The following WDR72 variants were observed in gnomAD, a reference collection of about 807,000 sequenced individuals.
WDR72 encodes the protein WD repeat-containing protein 72.
Under a neutral mutation model 124.2 loss-of-function variants are expected in WDR72, and 120 were observed. The observed-to-expected ratio is 0.97, with a 90% confidence interval of 0.83 to 1.12. WDR72 has a LOEUF of 1.12. Ranked by LOEUF, WDR72 falls within the 50% of genes most tolerant of loss-of-function variation. The probability of loss-of-function intolerance (pLI) is 0.00; values close to 1 mark genes in which losing one functional copy is unlikely to be tolerated. For missense variants in WDR72, 1,387 were observed against 1,278.8 expected (o/e 1.08, Z -1.29); for synonymous variants, 452 against 441.7 (o/e 1.02, Z -0.29).
intron 2 of WDR72, 112 bp from the exon 3 acceptor site, chr15:53,723,020 T>C (rs2017922719): frequency 1.2e-5 from 13 of 1,040,006 alleles, no homozygotes; most frequent in Admixed American, 1.9e-5. Context: ...TTTTGTTGTA[T>C]ACAAGTTTTA....
At chr15:53,756,876 T>C (rs1045290325) in intron 1 of WDR72, 2 of 152,218 alleles carry the variant, frequency 1.3e-5, no homozygotes, top group Non-Finnish European at 2.9e-5. Context: ...CACTGCACTA[T>C]GCTGGTTAGG....
chr15:53,638,584 T>C (rs769394532), intron 14 of WDR72, among the ~76,000 whole-genome samples: 1,278 of 68,382 alleles, frequency 0.019, 9 homozygotes, highest in Middle Eastern at 0.16. Context: ...CACATTCTTT[T>C]TTTTTTTTTT....
chr15:53,687,149 G>T (rs1376754190), intron 13 of WDR72, among the ~76,000 whole-genome samples: 1 of 148,196 alleles, frequency 6.7e-6, no homozygotes, highest in Non-Finnish European at 1.5e-5. Flanking sequence ...ACAATTAAAA[G>T]AACTAGAAAA....
chr15:53,734,161 C>T (rs12442115), intron 1 of WDR72, among the ~76,000 whole-genome samples: 3 of 151,998 alleles, frequency 2.0e-5, no homozygotes, highest in African/African-American at 7.2e-5. Flanking sequence ...TACACACACA[C>T]ACACACAAAT....
chr15:53,572,423 G>T (rs78333119), intron 18 of WDR72, among the ~76,000 whole-genome samples: 2 of 151,634 alleles, frequency 1.3e-5, no homozygotes, highest in Admixed American at 6.6e-5. Context: ...ATATTTTTTT[G>T]CCCTACCTAT....
intron 18 of WDR72, among the ~76,000 whole-genome samples, chr15:53,546,522 G>T (rs922855979): frequency 6.6e-5 from 10 of 151,484 alleles, no homozygotes; most frequent in African/African-American, 2.2e-4. Context: ...GGTGGGGTGG[G>T]GGGAGAGGGG....
chr15:53,533,123 C>T (rs944207615), intron 18 of WDR72, among the ~76,000 whole-genome samples: 1 of 152,000 alleles, frequency 6.6e-6, no homozygotes, highest in Non-Finnish European at 1.5e-5. Context: ...ATGAGGACTC[C>T]ACACTTGGAA....
intron 18 of WDR72, among the ~76,000 whole-genome samples, chr15:53,581,775 T>C (rs914625670): frequency 6.6e-6 from 1 of 152,064 alleles, no homozygotes; most frequent in Non-Finnish European, 1.5e-5. Context: ...CAATAAGAAA[T>C]GGAAAATTTT....
At chr15:53,759,043 G>T (rs957058775) in intron 1 of WDR72, among the ~76,000 whole-genome samples, 1 of 151,908 alleles carries the variant, frequency 6.6e-6, no homozygotes, top group Non-Finnish European at 1.5e-5. Context: ...CTTTATTGCC[G>T]ACTCAGCCCA....
intron 14 of WDR72, among the ~76,000 whole-genome samples, chr15:53,663,384 CAAGA>C (rs146492970): frequency 1.3e-5 from 2 of 151,914 alleles, no homozygotes; most frequent in African/African-American, 4.8e-5. Flanking sequence ...GGGGCAAAAG[CAAGA>C]AAATAAAGTT....
intron 18 of WDR72, among the ~76,000 whole-genome samples, chr15:53,573,100 A>T (rs2140308163): frequency 6.6e-6 from 1 of 152,284 alleles, no homozygotes; most frequent in Non-Finnish European, 1.5e-5. Context: ...GATAGCAAAT[A>T]TTGTGTTAAA....
At chr15:53,657,425 A>C (rs1025183041) in intron 14 of WDR72, among the ~76,000 whole-genome samples, 2 of 152,118 alleles carry the variant, frequency 1.3e-5, no homozygotes, top group Non-Finnish European at 2.9e-5. Context: ...AATGAAGGCA[A>C]ATGTAAAGAT....
intron 13 of WDR72, among the ~76,000 whole-genome samples, chr15:53,670,931 C>T: frequency 6.6e-6 from 1 of 152,222 alleles, no homozygotes; most frequent in South Asian, 2.1e-4. Context: ...GCTTGGGCCC[C>T]CAGGGCTTCC....
intron 18 of WDR72, among the ~76,000 whole-genome samples, chr15:53,554,530 T>C (rs972950395): frequency 1.3e-5 from 2 of 152,172 alleles, no homozygotes; most frequent in African/African-American, 4.8e-5. Context: ...AGCATCATTG[T>C]GTTGTGTTGC....
chr15:53,732,945 T>A (rs1428803517), intron 2 of WDR72, 52 bp downstream of exon 2: 1 of 1,607,528 alleles, frequency 6.2e-7, no homozygotes, highest in Non-Finnish European at 8.5e-7. Context: ...AAATGCAAGT[T>A]GTCCGTATTT....
chr15:53,748,607 C>G (rs984706236), intron 1 of WDR72, among the ~76,000 whole-genome samples: 1 of 152,104 alleles, frequency 6.6e-6, no homozygotes, highest in Non-Finnish European at 1.5e-5. Flanking sequence ...TGAGGTAGTT[C>G]CTCATATCCC....
intron 18 of WDR72, among the ~76,000 whole-genome samples, chr15:53,536,485 C>A (rs79683067): frequency 6.6e-6 from 1 of 152,064 alleles, no homozygotes; most frequent in African/African-American, 2.4e-5. Flanking sequence ...TGGGGCTCAT[C>A]GGTCGACCTC....
In WDR72 at chr15:53,615,713, TC is replaced by T; in HGVS notation, c.2492del (p.Gly831GlufsTer4). 1 of 1,612,366 alleles carries T rather than the reference TC, an allele frequency of 6.2e-7. No individual in the cohort carries two copies. Among genetic ancestry groups the T allele is most frequent in the Non-Finnish European group, 8.5e-7 (1 of 1,179,278 alleles). ...ILKLQGPISL[G>X]ISLNEDNFSL... ...AGAAATTATCTTCATTCAAAGAAATTCCCAAAGAAATAGGACCCTGAAGCTT... is the reference window on the plus strand; with the variant it reads ...AGAAATTATCTTCATTCAAAGAAATTCCAAAGAAATAGGACCCTGAAGCTT... On this transcript the variant is annotated frameshift_variant, in exon 15 of 20. Transcript: ENST00000360509. LOFTEE classifies it high-confidence loss of function.
chr15:53,656,078 T>C (rs1025312999), intron 14 of WDR72, among the ~76,000 whole-genome samples: 3 of 152,214 alleles, frequency 2.0e-5, no homozygotes, highest in African/African-American at 7.2e-5. Flanking sequence ...TCAGTCCCAT[T>C]TGATTGTGCA....
Sources: gnomAD v4.1 joint callset for allele counts (sites outside exome capture counted in the v4.1 genomes callset) on GRCh38, gnomAD v4.1.1 for gene constraint, MANE v1.5 for transcripts, NCBI Gene and HGNC (gene_info 2026-07-23, HGNC 2026-07-21) for gene names.